Variants in NRG3 observed in about 807,000 individuals in gnomAD.
NRG3 encodes the protein neuregulin 3.
NRG3 carries 31 observed loss-of-function variants against 66.9 expected under a neutral mutation model. The observed-to-expected ratio is 0.46, with a 90% CI of 0.35 to 0.63. The LOEUF (loss-of-function observed/expected upper bound fraction) is 0.63, where lower values mean the gene tolerates loss of function less well. Ranked by LOEUF, NRG3 falls within the 20% of genes least tolerant of loss-of-function variation. The pLI, the probability that NRG3 is intolerant of heterozygous loss-of-function variation, is 0.00. For synonymous variants in NRG3, 393 were observed against 359.4 expected, an observed-to-expected ratio of 1.09 and a Z score of -1.06; for missense variants, 910 against 878.9, an observed-to-expected ratio of 1.04 and a Z score of -0.45.
At chr10:82,494,065 C>T (rs10748997) in intron 2 of NRG3, among the ~76,000 whole-genome samples, 94,898 of 151,964 alleles carry the variant, frequency 0.62, 31,904 homozygotes, top group South Asian at 0.79. Flanking sequence ...GTCAGAATGG[C>T]GATTATTAAA....
At chr10:82,619,374 G>A (rs1565133753) in intron 2 of NRG3, among the ~76,000 whole-genome samples, 3 of 152,190 alleles carry the variant, frequency 2.0e-5, no homozygotes, top group Admixed American at 2.0e-4. Flanking sequence ...CATACATTCT[G>A]CAGCAAGATT....
At chr10:82,966,898 G>A (rs1346871383) in intron 6 of NRG3, among the ~76,000 whole-genome samples, 2 of 151,670 alleles carry the variant, frequency 1.3e-5, no homozygotes, top group African/African-American at 2.4e-5. Flanking sequence ...TTAACATTAT[G>A]TATCAATTCA....
chr10:82,973,680 G>T, intron 6 of NRG3, 108 bp from the exon 7 acceptor site: 1 of 1,207,646 alleles, frequency 8.3e-7, no homozygotes, highest in South Asian at 1.3e-5. Context: ...CTAGTCAGGT[G>T]ACCAGGAGGA....
At chr10:82,433,610 T>TTTTAATC (rs2089957617) in intron 2 of NRG3, among the ~76,000 whole-genome samples, 1 of 152,226 alleles carries the variant, frequency 6.6e-6, no homozygotes, top group Non-Finnish European at 1.5e-5. Context: ...TAATCCATCT[T>TTTTAATC]CAATTAATTT....
intron 3 of NRG3, among the ~76,000 whole-genome samples, chr10:82,772,318 ATTC>A (rs2059742766): frequency 6.6e-6 from 1 of 152,006 alleles, no homozygotes; most frequent in African/African-American, 2.4e-5. Context: ...TCATTCATTC[ATTC>A]ATTCATTCAT....
At chr10:82,893,744 T>A (rs1843391738) in intron 4 of NRG3, among the ~76,000 whole-genome samples, 1 of 152,018 alleles carries the variant, frequency 6.6e-6, no homozygotes, top group South Asian at 2.1e-4. Context: ...ATGTCTAGGA[T>A]GAAGCTAATG....
At chr10:82,077,217 T>C (rs2065138805) in intron 1 of NRG3, among the ~76,000 whole-genome samples, 1 of 152,210 alleles carries the variant, frequency 6.6e-6, no homozygotes, top group South Asian at 2.1e-4. Flanking sequence ...GTATAGAAAA[T>C]AGTGCTCATT....
intron 1 of NRG3, among the ~76,000 whole-genome samples, chr10:82,080,287 C>G (rs1327204811): frequency 6.6e-6 from 1 of 152,126 alleles, no homozygotes; most frequent in African/African-American, 2.4e-5. Flanking sequence ...TTTGCCTTGC[C>G]TTCAACAACC....
chr10:81,890,947 C>T (rs1362496620), intron 1 of NRG3, among the ~76,000 whole-genome samples: 1 of 152,206 alleles, frequency 6.6e-6, no homozygotes, highest in African/African-American at 2.4e-5. Context: ...ATGAAATCAT[C>T]TGTTCCCCCT....
chr10:82,578,366 C>T lies in NRG3; in HGVS notation c.954-160211C>T, dbSNP rs181998233. On this transcript the variant is annotated intron_variant, in intron 2 of 8. Transcript: ENST00000372141. ...CAGAAAATATTTTCTGTTAAAACCC[C>T]GATAGTAAACAGGTAAGATAAGACT... is the stretch of plus-strand genomic sequence containing the variant. Among the ~76,000 whole-genome samples the T allele has an allele frequency of 1.9e-4, 28 of 148,694 alleles. No individual in the cohort carries two copies. In the East Asian group the frequency reaches 4.5e-3, roughly 24 times the overall value.
chr10:81,968,781 G>T (rs2059822583), intron 1 of NRG3, among the ~76,000 whole-genome samples: 1 of 152,172 alleles, frequency 6.6e-6, no homozygotes, highest in African/African-American at 2.4e-5. Context: ...AATCTAAAGA[G>T]GGTGATTTTT....
intron 2 of NRG3, among the ~76,000 whole-genome samples, chr10:82,704,340 C>T (rs2056129686): frequency 6.6e-6 from 1 of 152,138 alleles, no homozygotes; most frequent in African/African-American, 2.4e-5. Context: ...GTGTGCAACT[C>T]AAGACTTCTG....
chr10:81,946,761 A>T (rs1430324050), intron 1 of NRG3, among the ~76,000 whole-genome samples: 1 of 152,196 alleles, frequency 6.6e-6, no homozygotes, highest in Non-Finnish European at 1.5e-5. Context: ...GAATCTGCTG[A>T]TTACCATAGT....
At chr10:82,155,565 T>G (rs192757356) in intron 1 of NRG3, among the ~76,000 whole-genome samples, 31 of 151,838 alleles carry the variant, frequency 2.0e-4, no homozygotes, top group African/African-American at 7.5e-4. Flanking sequence ...AAACATATCG[T>G]AATAAAAAGG....
At position 82,985,669 on chromosome 10, in the gene NRG3, C is replaced by T. The variant is rs1321738713; in HGVS notation, c.*64C>T. On this transcript the variant is annotated 3_prime_UTR_variant, in exon 9 of 9. Transcript: ENST00000372141. ...AACAGGAAAGAGAGGAAATCAAATA[C>T]AAATTATTTATATGCATTAATTTAA... 9 of 1,513,628 alleles carry T rather than the reference C, an allele frequency of 5.9e-6. No homozygotes were observed. The highest frequency in any genetic ancestry group is 8.0e-6 in the Non-Finnish European group (9 of 1,130,542). 93.8% of individuals were successfully genotyped at this position (1,513,628 alleles called of 1,614,324 possible).
chr10:82,833,128 G>T (rs759450640), intron 3 of NRG3, among the ~76,000 whole-genome samples: 1 of 152,008 alleles, frequency 6.6e-6, no homozygotes, highest in Admixed American at 6.6e-5. Context: ...ATTTTTCTTG[G>T]TCTTAAATAT....
intron 8 of NRG3, among the ~76,000 whole-genome samples, chr10:82,980,012 TG>T (rs1821422880): frequency 6.6e-6 from 1 of 152,062 alleles, no homozygotes; most frequent in Non-Finnish European, 1.5e-5. Context: ...GAGACCAGCC[TG>T]GGCAACATGG....
At chr10:82,313,592 CAA>C (rs1014968686) in intron 1 of NRG3, among the ~76,000 whole-genome samples, 1 of 152,068 alleles carries the variant, frequency 6.6e-6, no homozygotes, top group South Asian at 2.1e-4. Context: ...CCTGACCTCT[CAA>C]AAAGCAACCG....
intron 1 of NRG3, among the ~76,000 whole-genome samples, chr10:82,026,332 G>A (rs2062304193): frequency 2.0e-5 from 3 of 152,006 alleles, no homozygotes; most frequent in Non-Finnish European, 4.4e-5. Context: ...TAATAAATTG[G>A]TTGTGAAAAT....
Sources: allele counts gnomAD v4.1 joint callset (sites outside exome capture counted in the v4.1 genomes callset), GRCh38; gene constraint gnomAD v4.1.1; transcripts MANE v1.5; gene names NCBI Gene and HGNC (gene_info 2026-07-23, HGNC 2026-07-21).